PTPN9: variants seen among roughly 807,000 people sequenced by gnomAD.
The protein encoded by PTPN9 is protein tyrosine phosphatase non-receptor type 9, also known as tyrosine-protein phosphatase non-receptor type 9.
PTPN9 carries 26 observed loss-of-function variants against 69.8 expected under a neutral mutation model. The ratio of observed to expected loss-of-function variants is 0.37; its 90% confidence interval spans 0.27 to 0.52. PTPN9 has a LOEUF of 0.52. Ranked by LOEUF, PTPN9 falls within the 20% of genes least tolerant of loss-of-function variation. The pLI is 0.91. For synonymous variants in PTPN9, 274 were observed against 272.5 expected (o/e 1.01, Z -0.05); for missense variants, 549 against 740.3 (o/e 0.74, Z 3.00).
chr15:75,559,641 CCGCA>C (rs2075094915), intron 1 of PTPN9, among the ~76,000 whole-genome samples: 1 of 151,964 alleles, frequency 6.6e-6, no homozygotes, highest in Non-Finnish European at 1.5e-5. Context: ...CTGCGGAAGG[CCGCA>C]GGGTCCTCTG....
At chr15:75,484,386 C>T (rs2074661350) in intron 8 of PTPN9, among the ~76,000 whole-genome samples, 1 of 152,134 alleles carries the variant, frequency 6.6e-6, no homozygotes, top group Admixed American at 6.6e-5. Context: ...ATACTTAGGA[C>T]CATCAACAGA....
chr15:75,559,585 G>A (rs1216239760), intron 1 of PTPN9, among the ~76,000 whole-genome samples: 1 of 152,070 alleles, frequency 6.6e-6, no homozygotes, highest in Non-Finnish European at 1.5e-5. Flanking sequence ...TGCTTGTTAA[G>A]AGTCATCAAC....
intron 10 of PTPN9, among the ~76,000 whole-genome samples, chr15:75,471,592 G>T (rs1441219513): frequency 7.5e-6 from 1 of 133,128 alleles, no homozygotes; most frequent in Non-Finnish European, 1.5e-5. Flanking sequence ...GACAAAGTGA[G>T]ACTCTGTCTC....
intron 1 of PTPN9, among the ~76,000 whole-genome samples, chr15:75,560,962 T>C (rs549138296): frequency 7.2e-4 from 109 of 151,262 alleles, no homozygotes; most frequent in Non-Finnish European, 1.3e-3. Context: ...GAGGTTGCAG[T>C]GAGCTGAGAT....
At chr15:75,550,574 G>C (rs1396567300) in intron 1 of PTPN9, among the ~76,000 whole-genome samples, 8 of 151,580 alleles carry the variant, frequency 5.3e-5, no homozygotes, top group African/African-American at 1.9e-4. Flanking sequence ...GATCATTTGA[G>C]GTCAGGAGTT....
chr15:75,546,086 TTTAC>T (rs1245839307), intron 1 of PTPN9, among the ~76,000 whole-genome samples: 1 of 152,252 alleles, frequency 6.6e-6, no homozygotes, highest in African/African-American at 2.4e-5. Flanking sequence ...CTTTATTATT[TTTAC>T]TTATTTATTT....
intron 10 of PTPN9, among the ~76,000 whole-genome samples, chr15:75,471,947 A>C (rs927539355): frequency 3.5e-4 from 53 of 152,246 alleles, no homozygotes; most frequent in Non-Finnish European, 5.1e-4. Flanking sequence ...TTGTCTCAAA[A>C]AAAAAAGGCC....
intron 9 of PTPN9, among the ~76,000 whole-genome samples, chr15:75,478,209 G>T (rs964708244): frequency 6.6e-6 from 1 of 150,782 alleles, no homozygotes; most frequent in Non-Finnish European, 1.5e-5. Flanking sequence ...GGGTTCAAGC[G>T]ATTCTCCTGC....
intron 10 of PTPN9, among the ~76,000 whole-genome samples, chr15:75,471,880 T>A (rs891876435): frequency 1.3e-5 from 2 of 151,356 alleles, no homozygotes; most frequent in Non-Finnish European, 2.9e-5. Flanking sequence ...CCACTTAAGG[T>A]TGCAGTGAGC....
chr15:75,507,012 T>C (rs540359511), intron 6 of PTPN9, among the ~76,000 whole-genome samples: 1 of 152,182 alleles, frequency 6.6e-6, no homozygotes, highest in Admixed American at 6.5e-5. Context: ...ACTGTCTCAC[T>C]TAATTTTTAA....
At chr15:75,513,364 A>C (rs1313454833) in intron 5 of PTPN9, 1 of 455,962 alleles carries the variant, frequency 2.2e-6, no homozygotes, top group Admixed American at 2.4e-5. Flanking sequence ...CCTTTGGAGA[A>C]GTTTGTTCTA....
intron 2 of PTPN9, among the ~76,000 whole-genome samples, chr15:75,524,777 C>CAAAAAAAAAAA (rs10699634): frequency 1.4e-5 from 1 of 72,940 alleles, no homozygotes; most frequent in Non-Finnish European, 2.2e-5. Context: ...GACTCTGTCT[C>CAAAAAAAAAAA]AAAAAAAAAA....
intron 8 of PTPN9, 22 bp downstream of exon 8, chr15:75,490,186 A>T: frequency 6.4e-7 from 1 of 1,559,758 alleles, no homozygotes; most frequent in South Asian, 1.1e-5. Flanking sequence ...TGCACCTAAA[A>T]AGATTACATT....
intron 7 of PTPN9, among the ~76,000 whole-genome samples, chr15:75,497,293 C>G (rs1477921598): frequency 1.1e-4 from 17 of 151,730 alleles, no homozygotes; most frequent in Non-Finnish European, 1.5e-5. Flanking sequence ...AGTTTGAGAC[C>G]AGCCTGGGCA....
intron 2 of PTPN9, 79 bp from the exon 3 acceptor site, chr15:75,524,377 CA>C: frequency 1.3e-6 from 1 of 793,606 alleles, no homozygotes; most frequent in South Asian, 1.7e-5. Context: ...CACCAAATCT[CA>C]GAGATAAGGT....
chr15:75,516,102 T>C (rs906162823), intron 5 of PTPN9, among the ~76,000 whole-genome samples: 13 of 152,124 alleles, frequency 8.5e-5, no homozygotes, highest in African/African-American at 2.9e-4. Flanking sequence ...CTCTTACACA[T>C]ATGCACCAGA....
intron 7 of PTPN9, among the ~76,000 whole-genome samples, chr15:75,494,676 T>C (rs2074730151): frequency 6.6e-6 from 1 of 152,038 alleles, no homozygotes; most frequent in Admixed American, 6.6e-5. Context: ...TTAAATGATC[T>C]ATTGTTTTTC....
intron 1 of PTPN9, among the ~76,000 whole-genome samples, chr15:75,550,079 TAG>T (rs2141334712): frequency 6.8e-6 from 1 of 148,098 alleles, no homozygotes; most frequent in South Asian, 2.1e-4. Context: ...GCCCTGTAAA[TAG>T]AGAGAAATGA....
At chr15:75,538,037 A>G (rs1027190163) in intron 1 of PTPN9, among the ~76,000 whole-genome samples, 1 of 151,208 alleles carries the variant, frequency 6.6e-6, no homozygotes, top group Non-Finnish European at 1.5e-5. Flanking sequence ...CCAGCCTGGG[A>G]GAGAGAGCAA....
Sources: allele counts gnomAD v4.1 joint callset (sites outside exome capture counted in the v4.1 genomes callset), GRCh38; gene constraint gnomAD v4.1.1; transcripts MANE v1.5; gene names NCBI Gene and HGNC (gene_info 2026-07-23, HGNC 2026-07-21).